Variants in CTIF observed in about 807,000 individuals in gnomAD.
CTIF encodes the protein cap binding complex dependent translation initiation factor.
In CTIF, 21 loss-of-function variants were observed where a neutral mutation model predicts 66.0. The ratio of observed to expected loss-of-function variants is 0.32; its 90% CI spans 0.23 to 0.46. The LOEUF is 0.46. Among genes scored for constraint, CTIF ranks in the 20% least tolerant of loss-of-function variants. CTIF has a pLI of 1.00. For missense variants in CTIF, 739 were observed against 812.7 expected, an observed-to-expected ratio of 0.91 and a Z score of 1.10; for synonymous variants, 345 against 326.4, an observed-to-expected ratio of 1.06 and a Z score of -0.62.
At chr18:48,651,116 A>T (rs1424678289) in intron 3 of CTIF, among the ~76,000 whole-genome samples, 1 of 152,212 alleles carries the variant, frequency 6.6e-6, no homozygotes, top group African/African-American at 2.4e-5. Context: ...CTAACATCAT[A>T]ATGACAGGAT....
intron 10 of CTIF, among the ~76,000 whole-genome samples, chr18:48,857,158 G>A (rs2069347763): frequency 6.6e-6 from 1 of 152,194 alleles, no homozygotes; most frequent in Non-Finnish European, 1.5e-5. Context: ...GGGTGCCTGA[G>A]TCAATGGCTG....
chr18:48,705,540 T>C (rs945879493), intron 6 of CTIF, among the ~76,000 whole-genome samples: 1 of 152,216 alleles, frequency 6.6e-6, no homozygotes, highest in East Asian at 1.9e-4. Flanking sequence ...CTCCAACCAG[T>C]CTTTCTGGGG....
intron 1 of CTIF, among the ~76,000 whole-genome samples, chr18:48,612,115 C>T (rs2090318105): frequency 6.6e-6 from 1 of 152,242 alleles, no homozygotes; most frequent in Admixed American, 6.5e-5. Context: ...GAGGCCTCTG[C>T]TTCCTCCTGC....
intron 9 of CTIF, among the ~76,000 whole-genome samples, chr18:48,807,050 G>A (rs924726167): frequency 2.0e-5 from 3 of 152,180 alleles, no homozygotes; most frequent in African/African-American, 7.2e-5. Context: ...AGAGGCTGAG[G>A]TTAGGGGCAG....
chr18:48,735,714 C>A (rs1484773173), intron 7 of CTIF, among the ~76,000 whole-genome samples: 2 of 152,134 alleles, frequency 1.3e-5, no homozygotes, highest in Non-Finnish European at 2.9e-5. Flanking sequence ...AGGATTCTTG[C>A]CAGTGATTAA....
chr18:48,817,757 A>G (rs1171501484), intron 10 of CTIF, among the ~76,000 whole-genome samples: 1 of 149,722 alleles, frequency 6.7e-6, no homozygotes, highest in Non-Finnish European at 1.5e-5. Flanking sequence ...CCTGGGCGAC[A>G]GAGCGAGACT....
At chr18:48,854,691 C>T (rs927546319) in intron 10 of CTIF, among the ~76,000 whole-genome samples, 1 of 152,076 alleles carries the variant, frequency 6.6e-6, no homozygotes, top group Non-Finnish European at 1.5e-5. Flanking sequence ...GAGGCCAAGG[C>T]AGGAGGATCA....
In CTIF at chr18:48,663,910, T is replaced by C; in HGVS notation, c.326+85T>C. Reference sequence around the variant, plus strand: ...TTGGGGACGGAATGAACGCTGATGGTTCATGAGCAAGAGGCAGAGAGAAGC... The same window carrying C: ...TTGGGGACGGAATGAACGCTGATGGCTCATGAGCAAGAGGCAGAGAGAAGC... On this transcript the variant is annotated intron_variant, in intron 4 of 11. Transcript: ENST00000256413. 2 of 1,228,024 alleles carry C rather than the reference T, an allele frequency of 1.6e-6. 1 individual carries two copies. The highest frequency in any genetic ancestry group is 3.4e-5 in the Admixed American group (2 of 59,438). The allele number at this position is 1,228,024 out of a possible 1,614,324, so 76.1% of individuals were successfully genotyped here. A position where few individuals can be genotyped will look rare whatever the true frequency, so the allele number is the denominator to read the frequency against.
At chr18:48,605,476 G>T (rs1354339217) in intron 1 of CTIF, among the ~76,000 whole-genome samples, 1 of 152,200 alleles carries the variant, frequency 6.6e-6, no homozygotes, top group Non-Finnish European at 1.5e-5. Context: ...TAACCACTCA[G>T]CCTGCTCCCT....
chr18:48,838,141 C>T (rs961383759), intron 10 of CTIF, among the ~76,000 whole-genome samples: 1 of 152,152 alleles, frequency 6.6e-6, no homozygotes, highest in Non-Finnish European at 1.5e-5. Flanking sequence ...TCTCACTTCT[C>T]CAAGTGTGTA....
rs553527462 is a variant in CTIF at position 48,679,276 on chromosome 18, C to T, written c.507+8532C>T. On this transcript the variant is annotated intron_variant, in intron 6 of 11. Coordinates refer to ENST00000256413, the MANE Select transcript of CTIF (RefSeq NM_014772.3). ...GGGGGTCATATACCTGTTCAACTTA[C>T]GTTGCAAAGCTGTGCTAAGAGTCAA... Among the ~76,000 whole-genome samples the T allele has an allele frequency of 2.4e-4, 36 of 152,290 alleles. 2 individuals are homozygous for T. Among genetic ancestry groups the T allele is most frequent in the East Asian group, 9.6e-4 (5 of 5,186 alleles).
At chr18:48,794,419 C>A (rs2067864174) in intron 9 of CTIF, among the ~76,000 whole-genome samples, 2 of 152,010 alleles carry the variant, frequency 1.3e-5, no homozygotes, top group Non-Finnish European at 2.9e-5. Context: ...AGGGCCTCAG[C>A]TAAACTCCCA....
chr18:48,600,482 C>T (rs2090070671), intron 1 of CTIF, among the ~76,000 whole-genome samples: 1 of 152,092 alleles, frequency 6.6e-6, no homozygotes, highest in Middle Eastern at 3.2e-3. Flanking sequence ...CTGTCTTCTC[C>T]TTGCCACTCT....
intron 10 of CTIF, among the ~76,000 whole-genome samples, chr18:48,828,624 G>A (rs1036129096): frequency 1.3e-5 from 2 of 152,212 alleles, no homozygotes; most frequent in Non-Finnish European, 2.9e-5. Context: ...CTACTTTAAG[G>A]CTTAGGTAGG....
chr18:48,849,061 G>A (rs534249126), intron 10 of CTIF, among the ~76,000 whole-genome samples: 4 of 152,094 alleles, frequency 2.6e-5, no homozygotes, highest in African/African-American at 4.8e-5. Context: ...CTCCTCCCCC[G>A]ACCCCAGGGC....
intron 7 of CTIF, among the ~76,000 whole-genome samples, chr18:48,722,519 C>A (rs566153334): frequency 6.6e-6 from 1 of 152,278 alleles, no homozygotes; most frequent in South Asian, 2.1e-4. Flanking sequence ...CAGCACCCAG[C>A]CTCTCTGTCC....
At chr18:48,610,045 G>A (rs2090277519) in intron 1 of CTIF, among the ~76,000 whole-genome samples, 1 of 152,204 alleles carries the variant, frequency 6.6e-6, no homozygotes, top group South Asian at 2.1e-4. Context: ...GACGGTGCTG[G>A]AGAGGGCGTG....
At position 48,679,637 on chromosome 18, in the gene CTIF, C is replaced by T. The variant is rs146548977; in HGVS notation, c.507+8893C>T. ...CATTTCTCTTTCCTCTTATGTCCTT[C>T]CCTCTTTCTTGCTCAAATCTTCCCC... On this transcript the variant is annotated intron_variant, in intron 6 of 11. Coordinates refer to ENST00000256413, the MANE Select transcript of CTIF (RefSeq NM_014772.3). Among the ~76,000 whole-genome samples the T allele has an allele frequency of 3.6e-3, 543 of 152,332 alleles. 6 individuals are homozygous for T. The highest frequency in any genetic ancestry group is 5.5e-3 in the Non-Finnish European group (376 of 68,024).
At chr18:48,733,520 T>G (rs900769275) in intron 7 of CTIF, among the ~76,000 whole-genome samples, 2 of 152,214 alleles carry the variant, frequency 1.3e-5, no homozygotes, top group South Asian at 4.1e-4. Context: ...GGGAACATCC[T>G]GTGGCTGGGG....
Sources: gnomAD v4.1 joint callset for allele counts (sites outside exome capture counted in the v4.1 genomes callset) on GRCh38, gnomAD v4.1.1 for gene constraint, MANE v1.5 for transcripts, NCBI Gene and HGNC (gene_info 2026-07-23, HGNC 2026-07-21) for gene names.